DNAH1: variants seen among roughly 807,000 people sequenced by gnomAD.
DNAH1 encodes dynein axonemal heavy chain 1.
A neutral mutation model predicts 484.3 loss-of-function variants in DNAH1; 327 were observed. The observed-to-expected ratio is 0.68, with a 90% confidence interval of 0.62 to 0.74. The LOEUF is 0.74. DNAH1 is among the 30% of genes least tolerant of loss of function. The probability of loss-of-function intolerance (pLI) is 0.00; values close to 1 mark genes in which losing one functional copy is unlikely to be tolerated. For missense variants in DNAH1, 5,052 were observed against 5,546.8 expected, an observed-to-expected ratio of 0.91 and a Z score of 2.83; for synonymous variants, 2,192 against 2,191.9, an observed-to-expected ratio of 1.00 and a Z score of 0.00.
At chr3:52,359,824 A>T in intron 26 of DNAH1, 92 bp from the exon 27 acceptor site, 1 of 1,515,386 alleles carries the variant, frequency 6.6e-7, no homozygotes, top group East Asian at 2.3e-5. Context: ...GGATAGAGGG[A>T]CTGTTTGTGG....
Position 52,370,034 on chromosome 3 carries a change from G to A in DNAH1, c.6138+15G>A, listed in dbSNP as rs140592948. ...GCTTCCTGGAGGTGAGTGAGGCCAC[G>A]GGTATGTCTGACCCTGGCAGGGCAG... On this transcript the variant is annotated intron_variant, in intron 38 of 77. Coordinates refer to ENST00000420323, the MANE Select transcript of DNAH1 (RefSeq NM_015512.5). The A allele has an allele frequency of 5.6e-4, 903 of 1,612,848 alleles. 3 individuals are homozygous for A. The African/African-American group carries it at 9.7e-3, about 17-fold the overall frequency.
At chr3:52,389,411 G>A (rs779734030) in intron 59 of DNAH1, 50 bp from the exon 60 acceptor site, 5 of 1,607,906 alleles carry the variant, frequency 3.1e-6, no homozygotes, top group Non-Finnish European at 4.2e-6. Flanking sequence ...GAGTTGGGAG[G>A]TCTCTGTGAG....
chr3:52,362,536 A>G lies in DNAH1; in HGVS notation c.5094+35A>G. ...GGCCCAGAGTGGCCCAGGAAGCACC[A>G]GAGCTCTAGCCTGAGTTCAGAGATG... is the stretch of plus-strand genomic sequence containing the variant. On this transcript the variant is annotated intron_variant, in intron 31 of 77. Transcript: ENST00000420323. The surrounding 1 kb of genome is among the most constrained non-coding windows in gnomAD (Gnocchi z 5.1). 6.3e-6 allele frequency: 10 copies of G among 1,580,026 alleles called. No homozygotes were observed. Among genetic ancestry groups the G allele is most frequent in the Non-Finnish European group, 8.6e-6 (10 of 1,156,352 alleles).
chr3:52,359,941 G>A lies in DNAH1; in HGVS notation c.4433G>A (p.Arg1478Gln), dbSNP rs750064973. 21 of 1,613,724 alleles carry A rather than the reference G, an allele frequency of 1.3e-5. No homozygotes were observed. Among genetic ancestry groups the A allele is most frequent in the Middle Eastern group, 1.6e-4 (1 of 6,084 alleles). ...CTCAGTGATCTGGTGGCCCTTGTGC[G>A]GGGGAAGCTGTCCCGCATGCAGCGG... is the stretch of plus-strand genomic sequence containing the variant. ...QQLSDLVALV[R>Q]GKLSRMQRAV... Residue 1478 changes from arginine (R) to glutamine (Q), a missense_variant, in exon 27 of 78, where the codon CGG becomes CAG. By Grantham distance (43) the Arg-to-Gln change is conservative. This residue lies in a region of DNAH1 where 2,929 missense variants were observed against 3,409.4 expected (regional missense o/e 0.86). Transcript: ENST00000420323.
In DNAH1 at chr3:52,370,712, C is replaced by T. The variant is rs201832370; in HGVS notation, c.6418-6C>T. 116 of 1,597,982 alleles carry T rather than the reference C, an allele frequency of 7.3e-5. No homozygotes were observed. Among genetic ancestry groups the T allele is most frequent in the South Asian group, 1.9e-4 (17 of 88,336 alleles). On this transcript the variant is annotated splice_polypyrimidine_tract_variant and splice_region_variant and intron_variant, in intron 40 of 77. Coordinates refer to ENST00000420323, the MANE Select transcript of DNAH1 (RefSeq NM_015512.5). ...ACAGCCTGCTTCTCCTCCTGGTTCC[C>T]GGCAGCTGACTCTGCTTTTCCCAGA...
At chr3:52,320,879 C>A (rs1701122945) in intron 1 of DNAH1, among the ~76,000 whole-genome samples, 2 of 148,038 alleles carry the variant, frequency 1.4e-5, no homozygotes. Flanking sequence ...TGGCTCCTTG[C>A]AACCTCTGTC....
intron 28 of DNAH1, among the ~76,000 whole-genome samples, chr3:52,360,650 C>T (rs2153224343): frequency 6.6e-6 from 1 of 152,304 alleles, no homozygotes; most frequent in Non-Finnish European, 1.5e-5. Flanking sequence ...TCTGAGGCCT[C>T]CTCACGGTGG....
Position 52,337,701 on chromosome 3 carries a change from T to C in DNAH1, c.1286+5307T>C, listed in dbSNP as rs527932230. Among the ~76,000 whole-genome samples the C allele has an allele frequency of 8.5e-5, 13 of 152,374 alleles. No homozygotes were observed. In the South Asian group the frequency reaches 2.5e-3, roughly 29 times the overall value. The stretch of plus-strand genomic sequence containing the variant: ...TCCTTTTGGCATTTAGGAAGGTCTG[T>C]ACCGTTATTTTAGTGGTTTCTTTTA... On this transcript the variant is annotated intron_variant, in intron 8 of 77. Coordinates refer to ENST00000420323, the MANE Select transcript of DNAH1 (RefSeq NM_015512.5).
intron 76 of DNAH1, among the ~76,000 whole-genome samples, 160 bp from the exon 77 acceptor site, chr3:52,399,385 G>A (rs924221836): frequency 6.6e-6 from 1 of 152,160 alleles, no homozygotes; most frequent in African/African-American, 2.4e-5. Context: ...AAATCCACAG[G>A]GGCAGGGCAC....
chr3:52,345,437 T>C, intron 9 of DNAH1, 58 bp from the exon 10 acceptor site: 1 of 1,442,196 alleles, frequency 6.9e-7, no homozygotes, highest in South Asian at 1.2e-5. Flanking sequence ...GGATCTGTCC[T>C]GTCCCCTGGT....
chr3:52,338,438 T>C (rs1239638969), intron 8 of DNAH1, among the ~76,000 whole-genome samples: 1 of 152,222 alleles, frequency 6.6e-6, no homozygotes, highest in Non-Finnish European at 1.5e-5. Context: ...GTTAAAATAT[T>C]ATTACTATTC....
At chr3:52,386,972 C>A in intron 56 of DNAH1, 119 bp downstream of exon 56, 1 of 1,097,926 alleles carries the variant, frequency 9.1e-7, no homozygotes, top group Non-Finnish European at 1.3e-6. Flanking sequence ...TGGCCTCTGT[C>A]CTGTCTCTCT....
chr3:52,372,772 C>A, intron 43 of DNAH1, 124 bp from the exon 44 acceptor site: 3 of 1,316,350 alleles, frequency 2.3e-6, no homozygotes, highest in Non-Finnish European at 2.1e-6. Context: ...AGGCATCTAG[C>A]AATTTGGAGG....
rs910890439 is a variant in DNAH1 at position 52,396,481 on chromosome 3, C to G, written c.11373C>G (p.Ala3791=). The G allele has an allele frequency of 6.8e-6, 11 of 1,606,518 alleles. No homozygotes were observed. The African/African-American group carries it at 1.2e-4, about 18-fold the overall frequency. The change falls in exon 71 of 78, where the codon GCC becomes GCG. Residue 3791 remains alanine, a synonymous_variant. Coordinates refer to ENST00000420323, the MANE Select transcript of DNAH1 (RefSeq NM_015512.5). ...TTGAGCCGCCACGCGGTGTCAGGGC[C>G]AACCTGCTGAAGTCCTATAGTAGCC... The part of the protein sequence containing the change: ...MTIEPPRGVR[A]NLLKSYSSLG...
chr3:52,361,830 C>T lies in DNAH1; in HGVS notation c.4980+64C>T. On this transcript the variant is annotated intron_variant, in intron 30 of 77. Transcript: ENST00000420323. This position sits in a 1 kb window ranked among gnomAD's most constrained non-coding sequence, Gnocchi z 5.6. ...CATACTCACGCCGCCATACTGCTCC[C>T]CATTGCAGGCTGAGAAGCCAGGCGC... 6.7e-7 allele frequency: 1 copy of T among 1,501,716 alleles called. No homozygotes were observed. The highest frequency in any genetic ancestry group is 9.0e-7 in the Non-Finnish European group (1 of 1,106,632). The allele number at this position is 1,501,716 out of a possible 1,614,324, so 93.0% of individuals were successfully genotyped here. A position where few individuals can be genotyped will look rare whatever the true frequency, so the allele number is the denominator to read the frequency against.
chr3:52,339,151 TTA>T (rs1701838475), intron 8 of DNAH1, among the ~76,000 whole-genome samples: 2 of 152,212 alleles, frequency 1.3e-5, no homozygotes, highest in African/African-American at 4.8e-5. Flanking sequence ...ATGTATCTTT[TTA>T]TATATTGCTG....
chr3:52,329,357 G>A (rs962780313), intron 6 of DNAH1, among the ~76,000 whole-genome samples: 7 of 152,146 alleles, frequency 4.6e-5, no homozygotes, highest in Non-Finnish European at 8.8e-5. Context: ...AGTATTTTCA[G>A]AAAGGCAACC....
rs1288539849 is a variant in DNAH1 at position 52,373,059 on chromosome 3, T to G, written c.6985+6T>G. The G allele has an allele frequency of 6.2e-7, 1 of 1,606,578 alleles. No individual in the cohort carries two copies. Among genetic ancestry groups the G allele is most frequent in the Admixed American group, 1.7e-5 (1 of 59,624 alleles). ...GTACGACCGCAAGATCATTGGTGAG[T>G]GTGGCCGGCCTGGCTCACAGGGCAA... On this transcript the variant is annotated splice_donor_region_variant and intron_variant, in intron 44 of 77. Transcript: ENST00000420323.
At position 52,356,659 on chromosome 3, in the gene DNAH1, C is replaced by T; in HGVS notation, c.3739C>T (p.Leu1247=). 2 of 1,613,870 alleles carry T rather than the reference C, an allele frequency of 1.2e-6. No homozygotes were observed. Among genetic ancestry groups the T allele is most frequent in the Non-Finnish European group, 1.7e-6 (2 of 1,179,896 alleles). ...WLNCQRSWLY[L]EPIFSSEDIN... ...GAACTGTCAGCGGTCCTGGCTCTAC[C>T]TGGAGCCCATCTTTAGCTCTGAGGA... Residue 1247 remains leucine, a synonymous_variant, in exon 22 of 78, where the codon CTG becomes TTG. Transcript: ENST00000420323.
Sources: gnomAD v4.1 joint callset for allele counts (sites outside exome capture counted in the v4.1 genomes callset) on GRCh38, gnomAD v4.1.1 for gene constraint, gnomAD v4.1.1 regional missense constraint, Gnocchi (gnomAD v3.1) non-coding constraint, MANE v1.5 for transcripts, NCBI Gene and HGNC (gene_info 2026-07-23, HGNC 2026-07-21) for gene names.